TBC1D12: variants seen among roughly 807,000 people sequenced by gnomAD.
TBC1D12 encodes the protein TBC1 domain family, member 12.
A neutral mutation model predicts 86.7 loss-of-function variants in TBC1D12; 56 were observed. That is an observed-to-expected ratio of 0.65 (90% CI 0.52 to 0.81). The LOEUF is 0.81. Among genes scored for constraint, TBC1D12 ranks in the 30% least tolerant of loss-of-function variants. The probability of loss-of-function intolerance (pLI) is 0.00; values close to 1 mark genes in which losing one functional copy is unlikely to be tolerated. For missense variants in TBC1D12, 1,023 were observed against 1,038.8 expected (o/e 0.98, Z 0.21); for synonymous variants, 421 against 411.7 (o/e 1.02, Z -0.27).
chr10:94,409,047 T>C (rs919420373), intron 1 of TBC1D12, among the ~76,000 whole-genome samples: 1 of 152,204 alleles, frequency 6.6e-6, no homozygotes, highest in Non-Finnish European at 1.5e-5. Context: ...GTTGTGAAGC[T>C]ACCATTATGT....
At chr10:94,501,099 T>TG (rs1246880045) in intron 6 of TBC1D12, among the ~76,000 whole-genome samples, 112 of 150,528 alleles carry the variant, frequency 7.4e-4, no homozygotes, top group African/African-American at 2.4e-3. Flanking sequence ...AATGAATGAA[T>TG]AAATAAATAA....
chr10:94,502,530 C>G (rs1431755466), intron 6 of TBC1D12, among the ~76,000 whole-genome samples: 1 of 151,852 alleles, frequency 6.6e-6, no homozygotes, highest in African/African-American at 2.4e-5. Flanking sequence ...CATAGCGAGA[C>G]CCCGTCTCTA....
intron 9 of TBC1D12, among the ~76,000 whole-genome samples, chr10:94,521,328 G>A (rs1259186516): frequency 6.6e-6 from 1 of 151,270 alleles, no homozygotes. Context: ...TTTTACTCAA[G>A]GTCTTTCACA....
At chr10:94,457,035 T>TA (rs1386256817) in intron 2 of TBC1D12, among the ~76,000 whole-genome samples, 1 of 152,184 alleles carries the variant, frequency 6.6e-6, no homozygotes, top group African/African-American at 2.4e-5. Context: ...CATCCCTTTT[T>TA]AAAAAATCTA....
intron 1 of TBC1D12, among the ~76,000 whole-genome samples, chr10:94,423,303 A>G (rs2055101886): frequency 6.8e-6 from 1 of 147,400 alleles, no homozygotes; most frequent in Non-Finnish European, 1.5e-5. Context: ...GTGAAGCTGT[A>G]CCAGCTCTAC....
chr10:94,427,694 T>C (rs912993008), intron 1 of TBC1D12, among the ~76,000 whole-genome samples: 1 of 150,872 alleles, frequency 6.6e-6, no homozygotes, highest in Admixed American at 6.6e-5. Context: ...TAGCCGGGTG[T>C]GGTGGTGCAT....
chr10:94,423,712 T>C (rs1264932743), intron 1 of TBC1D12, among the ~76,000 whole-genome samples: 1 of 152,164 alleles, frequency 6.6e-6, no homozygotes, highest in Non-Finnish European at 1.5e-5. Context: ...GGGGGTCTGC[T>C]TGTCTTAGCC....
At chr10:94,453,334 G>T (rs1297162575) in intron 2 of TBC1D12, among the ~76,000 whole-genome samples, 1 of 151,988 alleles carries the variant, frequency 6.6e-6, no homozygotes, top group African/African-American at 2.4e-5. Context: ...ATGGTCAGCT[G>T]CAGTCTGAAA....
At position 94,533,444 on chromosome 10, in the gene TBC1D12, G is replaced by C. The variant is rs1243143507; in HGVS notation, c.*348G>C. On this transcript the variant is annotated 3_prime_UTR_variant, in exon 13 of 13. Transcript: ENST00000225235. ...TTTCTTTTGTAACAGTTACCACAAA[G>C]ATATTCTGGAGGCTAGAGTAGGATT... is the stretch of plus-strand genomic sequence containing the variant. The C allele has an allele frequency of 1.0e-5, 2 of 200,552 alleles. No homozygotes were observed. Among genetic ancestry groups the C allele is most frequent in the Non-Finnish European group, 2.0e-5 (2 of 100,286 alleles). 12.4% of individuals were successfully genotyped at this position (200,552 alleles called of 1,614,324 possible). A position where few individuals can be genotyped will look rare whatever the true frequency, so the allele number is the denominator to read the frequency against.
At chr10:94,510,040 A>G (rs376149800) in intron 7 of TBC1D12, 51 bp from the exon 8 acceptor site, 5 of 1,317,224 alleles carry the variant, frequency 3.8e-6, no homozygotes, top group African/African-American at 2.9e-5. Context: ...ATAAAATTGG[A>G]CTTGTTAGAG....
intron 1 of TBC1D12, among the ~76,000 whole-genome samples, chr10:94,418,947 T>C (rs1450786563): frequency 6.6e-6 from 1 of 151,332 alleles, no homozygotes; most frequent in Non-Finnish European, 1.5e-5. Context: ...CGATCTCGGC[T>C]CACTGCAACA....
At chr10:94,427,254 A>G (rs961611413) in intron 1 of TBC1D12, among the ~76,000 whole-genome samples, 1 of 152,136 alleles carries the variant, frequency 6.6e-6, no homozygotes, top group Non-Finnish European at 1.5e-5. Flanking sequence ...CCTTCTGGTG[A>G]CAAATATTTT....
At chr10:94,474,552 A>T (rs1297461864) in intron 2 of TBC1D12, 116 bp from the exon 3 acceptor site, 2 of 697,326 alleles carry the variant, frequency 2.9e-6, no homozygotes, top group Non-Finnish European at 4.4e-6. Context: ...TTACCAAATT[A>T]TTTTTTGAAT....
At chr10:94,425,923 T>G (rs1179609157) in intron 1 of TBC1D12, among the ~76,000 whole-genome samples, 1 of 152,150 alleles carries the variant, frequency 6.6e-6, no homozygotes, top group East Asian at 1.9e-4. Flanking sequence ...TTTAGTTTTT[T>G]GTGTTATTAT....
intron 2 of TBC1D12, among the ~76,000 whole-genome samples, chr10:94,451,536 T>G (rs1004404532): frequency 1.3e-5 from 2 of 152,124 alleles, no homozygotes; most frequent in Admixed American, 6.5e-5. Context: ...CTTTTTCAAA[T>G]CTGCTGTATC....
At chr10:94,428,810 C>T (rs759373088) in intron 1 of TBC1D12, among the ~76,000 whole-genome samples, 2 of 150,876 alleles carry the variant, frequency 1.3e-5, no homozygotes, top group African/African-American at 2.4e-5. Flanking sequence ...CGCAGGCTTA[C>T]GTGATCCTCC....
intron 1 of TBC1D12, among the ~76,000 whole-genome samples, chr10:94,423,729 T>C (rs557481535): frequency 6.6e-6 from 1 of 152,282 alleles, no homozygotes; most frequent in Admixed American, 6.5e-5. Context: ...AGCCTGTGTA[T>C]GAATTTTTCT....
At position 94,402,742 on chromosome 10, in the gene TBC1D12, C is replaced by G. The variant is rs2054784142; in HGVS notation, c.129C>G (p.Val43=). ...CCACGGGCGGCTTTGGCGGAGGCGT[C>G]GGCGCTGTGGAGCCGCCGGAGGAGG... is the stretch of plus-strand genomic sequence containing the variant. The part of the protein sequence containing the change: ...IRATGGFGGG[V]GAVEPPEEAD... Residue 43 remains valine, a synonymous_variant, in exon 1 of 13, where the codon GTC becomes GTG. Transcript: ENST00000225235. 1.3e-6 allele frequency: 2 copies of G among 1,556,504 alleles called. No homozygotes were observed. The highest frequency in any genetic ancestry group is 1.4e-5 in the African/African-American group (1 of 73,338).
chr10:94,479,562 G>A (rs1161108528), intron 3 of TBC1D12, among the ~76,000 whole-genome samples: 2 of 152,102 alleles, frequency 1.3e-5, no homozygotes, highest in African/African-American at 4.8e-5. Flanking sequence ...CTTAAGGCTA[G>A]GATTTTGGAG....
Sources: gnomAD v4.1 joint callset for allele counts (sites outside exome capture counted in the v4.1 genomes callset) on GRCh38, gnomAD v4.1.1 for gene constraint, MANE v1.5 for transcripts, NCBI Gene and HGNC (gene_info 2026-07-23, HGNC 2026-07-21) for gene names.